The following PTPRE variants were observed in gnomAD, a reference collection of about 807,000 sequenced individuals.
PTPRE encodes the protein receptor-type tyrosine-protein phosphatase epsilon.
PTPRE carries 51 observed loss-of-function variants against 102.0 expected under a neutral mutation model. The ratio of observed to expected loss-of-function variants is 0.50; its 90% CI spans 0.40 to 0.63. The LOEUF is 0.63. PTPRE is among the 30% of genes least tolerant of loss of function. PTPRE has a pLI of 0.00. For missense variants in PTPRE, 752 were observed against 915.1 expected, an observed-to-expected ratio of 0.82 and a Z score of 2.30; for synonymous variants, 345 against 348.2, an observed-to-expected ratio of 0.99 and a Z score of 0.10.
chr10:128,082,589 A>G (rs1055402777), intron 20 of PTPRE, among the ~76,000 whole-genome samples: 1 of 151,776 alleles, frequency 6.6e-6, no homozygotes, highest in African/African-American at 2.4e-5. Flanking sequence ...CAGACATTTA[A>G]CTCAGCCCAT....
At chr10:128,047,354 A>AGGTTAGG (rs1848178274) in intron 3 of PTPRE, 36 bp from the exon 4 acceptor site, 1 of 1,602,238 alleles carries the variant, frequency 6.2e-7, no homozygotes, top group Admixed American at 1.7e-5. Flanking sequence ...CTGTGAAGTG[A>AGGTTAGG]GGTCAGGGGT....
intron 1 of PTPRE, among the ~76,000 whole-genome samples, chr10:127,960,880 G>T (rs1238985024): frequency 6.6e-6 from 1 of 152,006 alleles, no homozygotes; most frequent in Non-Finnish European, 1.5e-5. Context: ...AATTAGCCGG[G>T]CGTGGTGGTG....
chr10:128,047,214 A>G (rs1414629727), intron 3 of PTPRE, among the ~76,000 whole-genome samples, 176 bp from the exon 4 acceptor site: 1 of 152,226 alleles, frequency 6.6e-6, no homozygotes, highest in African/African-American at 2.4e-5. Flanking sequence ...CTGAGTCAAC[A>G]GCAACAACTA....
chr10:127,986,330 A>T (rs2135484623), intron 2 of PTPRE, among the ~76,000 whole-genome samples: 1 of 152,360 alleles, frequency 6.6e-6, no homozygotes, highest in East Asian at 1.9e-4. Context: ...CATAGTATTT[A>T]ATGCAATGGA....
chr10:127,939,629 C>T (rs1848076773), intron 1 of PTPRE, among the ~76,000 whole-genome samples: 2 of 152,174 alleles, frequency 1.3e-5, no homozygotes, highest in Non-Finnish European at 1.5e-5. Context: ...AGTTGGGTTG[C>T]TCTTCCACAT....
At chr10:127,983,620 C>G (rs1283720595) in intron 2 of PTPRE, among the ~76,000 whole-genome samples, 1 of 152,128 alleles carries the variant, frequency 6.6e-6, no homozygotes, top group South Asian at 2.1e-4. Flanking sequence ...ATGTGCCTAC[C>G]GTGCTAGAAT....
intron 1 of PTPRE, among the ~76,000 whole-genome samples, chr10:127,916,388 G>A (rs887412654): frequency 6.6e-6 from 1 of 152,172 alleles, no homozygotes; most frequent in African/African-American, 2.4e-5. Flanking sequence ...CTGTCGCCTT[G>A]TGAAGAAGGT....
intron 1 of PTPRE, among the ~76,000 whole-genome samples, chr10:127,974,955 C>G (rs1249533224): frequency 6.6e-6 from 1 of 152,136 alleles, no homozygotes; most frequent in Non-Finnish European, 1.5e-5. Context: ...TCCTACTGTA[C>G]TGTGTTGTTG....
chr10:128,000,595 C>T (rs1404263688), intron 2 of PTPRE, among the ~76,000 whole-genome samples: 5 of 152,142 alleles, frequency 3.3e-5, no homozygotes, highest in Non-Finnish European at 2.9e-5. Flanking sequence ...TGCTAATGCT[C>T]CCATGTGGGT....
At chr10:128,031,609 G>A (rs1393080538) in intron 2 of PTPRE, among the ~76,000 whole-genome samples, 1 of 152,226 alleles carries the variant, frequency 6.6e-6, no homozygotes, top group East Asian at 1.9e-4. Flanking sequence ...TCTTCTGAGT[G>A]AGCAATGGCC....
chr10:128,029,828 C>A (rs1269376652), intron 2 of PTPRE, among the ~76,000 whole-genome samples: 1 of 152,232 alleles, frequency 6.6e-6, no homozygotes, highest in East Asian at 1.9e-4. Context: ...GGGCCGCCAG[C>A]TTCCTCCACC....
At chr10:128,009,399 G>A (rs1021326148) in intron 2 of PTPRE, among the ~76,000 whole-genome samples, 1 of 152,202 alleles carries the variant, frequency 6.6e-6, no homozygotes, top group African/African-American at 2.4e-5. Context: ...ATGTTTTCTT[G>A]TGTTCGTGAA....
At chr10:128,075,071 C>T (rs747868154) in intron 17 of PTPRE, among the ~76,000 whole-genome samples, 1 of 152,220 alleles carries the variant, frequency 6.6e-6, no homozygotes, top group African/African-American at 2.4e-5. Flanking sequence ...ATCATTACAG[C>T]ATGTTGTCTT....
rs1846489915 is a variant in PTPRE, at chr10:128,028,922, A to G, written c.-7-11953A>G. On this transcript the variant is annotated intron_variant, in intron 2 of 20. Transcript: ENST00000254667. This position sits in a 1 kb window ranked among gnomAD's most constrained non-coding sequence, Gnocchi z 4.5. ...TCAGCTGTCCTCCTCGAGGAGCGCTATCCTGCTCCGTCTCTGCTCAGGGTC... is the reference window on the plus strand; with the variant it reads ...TCAGCTGTCCTCCTCGAGGAGCGCTGTCCTGCTCCGTCTCTGCTCAGGGTC... 6.6e-6 allele frequency among the ~76,000 whole-genome samples: 1 copy of G among 152,122 alleles called. No homozygotes were observed. Among genetic ancestry groups the G allele is most frequent in the South Asian group, 2.1e-4 (1 of 4,828 alleles).
intron 7 of PTPRE, 24 bp from the exon 8 acceptor site, chr10:128,060,915 G>A (rs376962876): frequency 6.2e-7 from 1 of 1,608,886 alleles, no homozygotes; most frequent in African/African-American, 1.3e-5. Flanking sequence ...TAATATCTTG[G>A]CTTTGTTTGG....
At chr10:128,060,293 AC>A (rs889610432) in intron 7 of PTPRE, among the ~76,000 whole-genome samples, 4 of 151,572 alleles carry the variant, frequency 2.6e-5, no homozygotes, top group Non-Finnish European at 5.9e-5. Context: ...CTACACACAC[AC>A]CCCACACACA....
intron 2 of PTPRE, among the ~76,000 whole-genome samples, chr10:128,038,370 CG>C (rs1847402105): frequency 6.6e-6 from 1 of 152,080 alleles, no homozygotes; most frequent in Non-Finnish European, 1.5e-5. Context: ...ATGTTTATTG[CG>C]GCACTATTCA....
chr10:127,937,893 G>GGT (rs143990936), intron 1 of PTPRE, among the ~76,000 whole-genome samples: 4,260 of 150,284 alleles, frequency 0.028, 66 homozygotes, highest in Non-Finnish European at 0.04. Context: ...ACTCGTAAGG[G>GGT]GTGTGTGTGT....
intron 1 of PTPRE, among the ~76,000 whole-genome samples, chr10:127,942,979 A>G (rs1321603740): frequency 6.6e-6 from 1 of 152,152 alleles, no homozygotes. Flanking sequence ...CTCGGAAGCA[A>G]TTTTAATCAC....
Sources: allele counts gnomAD v4.1 joint callset (sites outside exome capture counted in the v4.1 genomes callset), GRCh38; gene constraint gnomAD v4.1.1; non-coding constraint Gnocchi (gnomAD v3.1); transcripts MANE v1.5; gene names NCBI Gene and HGNC (gene_info 2026-07-23, HGNC 2026-07-21).